GGT1: variants seen among roughly 807,000 people sequenced by gnomAD.
GGT1 encodes the protein glutathione hydrolase 1 proenzyme.
In GGT1, 21 loss-of-function variants were observed where a neutral mutation model predicts 56.0. That is an observed-to-expected ratio of 0.38 (90% CI 0.27 to 0.54). The LOEUF (loss-of-function observed/expected upper bound fraction) is 0.54, where lower values mean the gene tolerates loss of function less well. Among genes scored for constraint, GGT1 ranks in the 20% least tolerant of loss-of-function variants. GGT1 has a pLI of 0.82. For synonymous variants in GGT1, 238 were observed against 342.6 expected, an observed-to-expected ratio of 0.69 and a Z score of 3.37; for missense variants, 466 against 787.0, an observed-to-expected ratio of 0.59 and a Z score of 4.88.
At chr22:24,602,634 C>T (rs1370947505), upstream of GGT1, among the ~76,000 whole-genome samples, 1 of 152,148 alleles carries the variant, frequency 6.6e-6, no homozygotes, top group Non-Finnish European at 1.5e-5. Flanking sequence ...TTTGCTCAGA[C>T]CCCTGAAATT....
At chr22:24,605,504 A>G (rs1174035462) in intron 1 of GGT1, among the ~76,000 whole-genome samples, 1 of 75,226 alleles carries the variant, frequency 1.3e-5, no homozygotes, top group African/African-American at 7.1e-5. Context: ...ATATAATATT[A>G]TATAATGTGT....
At chr22:24,617,847 C>T (rs574371477) in intron 7 of GGT1, among the ~76,000 whole-genome samples, 147 of 151,818 alleles carry the variant, frequency 9.7e-4, no homozygotes, top group Middle Eastern at 6.8e-3. Flanking sequence ...AGCAGACCAC[C>T]AGGAGAGAGA....
intron 1 of GGT1, among the ~76,000 whole-genome samples, chr22:24,607,162 G>A (rs1030561178): frequency 6.6e-6 from 1 of 152,142 alleles, no homozygotes; most frequent in African/African-American, 2.4e-5. Flanking sequence ...GGCTGTTCGG[G>A]TGGTTCCTTG....
rs372897262 is a variant in GGT1, at chr22:24,628,007, G to T, written c.1336+28G>T. The T allele has an allele frequency of 7.9e-5, 112 of 1,420,886 alleles. No individual in the cohort carries two copies. The highest frequency in any genetic ancestry group is 1.1e-4 in the Non-Finnish European group (107 of 1,016,164). 88.0% of individuals were successfully genotyped at this position (1,420,886 alleles called of 1,614,324 possible). On this transcript the variant is annotated intron_variant, in intron 13 of 15. Transcript: ENST00000400382. The surrounding 1 kb of genome is among the most constrained non-coding windows in gnomAD (Gnocchi z 5.7). ...ATGGGGTGGAGGTCCGGGGGTGGGG[G>T]ACTGGGGTGGAGAGGGGCGGGTGTC...
intron 5 of GGT1, among the ~76,000 whole-genome samples, chr22:24,613,447 T>G (rs910840660): frequency 1.3e-5 from 2 of 152,140 alleles, no homozygotes; most frequent in Non-Finnish European, 2.9e-5. Flanking sequence ...GTACATTTGT[T>G]TGCTTGATAA....
At chr22:24,589,425 G>C in the GGT1 span, 1 of 1,000,254 alleles carries the variant, frequency 1.0e-6, no homozygotes, top group Non-Finnish European at 1.2e-6. Flanking sequence ...AGCCGAGAGC[G>C]GCTCTCTTCT....
Position 24,628,563 on chromosome 22 carries a change from G to A in GGT1, c.1564-130G>A, listed in dbSNP as rs1292412836. On this transcript the variant is annotated intron_variant, in intron 15 of 15. Coordinates refer to ENST00000400382, the MANE Select transcript of GGT1 (RefSeq NM_001288833.2). The surrounding 1 kb of genome is among the most constrained non-coding windows in gnomAD (Gnocchi z 5.7). ...CCCCTGCTCCAGTGAGACCCAGCAG[G>A]CCCCAACCTGCTCTTCCTGATGACC... is the stretch of plus-strand genomic sequence containing the variant. 1.2e-6 allele frequency: 1 copy of A among 863,578 alleles called. No individual in the cohort carries two copies. Among genetic ancestry groups the A allele is most frequent in the African/African-American group, 1.7e-5 (1 of 59,000 alleles). The allele number at this position is 863,578 out of a possible 1,614,324, so 53.5% of individuals were successfully genotyped here.
At chr22:24,615,781 G>A (rs925614632) in intron 7 of GGT1, 10 of 153,218 alleles carry the variant, frequency 6.5e-5, no homozygotes, top group African/African-American at 2.2e-4. Flanking sequence ...GCCACTGTCT[G>A]TCCTCAAAGG....
intron 9 of GGT1, 38 bp from the exon 10 acceptor site, chr22:24,623,069 C>G: frequency 6.2e-7 from 1 of 1,611,374 alleles, no homozygotes; most frequent in South Asian, 1.1e-5. Context: ...TGGTGCAGCC[C>G]CATCCCAGCA....
At chr22:24,592,341 G>A (rs1428605078), upstream of GGT1, 1 of 470,604 alleles carries the variant, frequency 2.1e-6, no homozygotes. Flanking sequence ...GGCTCTCTGT[G>A]GGCTGCCATG....
At chr22:24,610,663 G>A (rs1192656693) in intron 4 of GGT1, 132 bp downstream of exon 4, 4,853 of 206,578 alleles carry the variant, frequency 0.023, 125 homozygotes, top group African/African-American at 0.096. Context: ...CTCTAGGCTG[G>A]GGTGGGGGAC....
chr22:24,605,606 TTA>T (rs1191449025), intron 1 of GGT1, among the ~76,000 whole-genome samples: 3 of 51,240 alleles, frequency 5.9e-5, no homozygotes, highest in South Asian at 5.8e-4. Context: ...ATAATGTGTA[TTA>T]TATATATAAT....
chr22:24,605,438 C>T (rs184624754), intron 1 of GGT1, among the ~76,000 whole-genome samples: 1,750 of 30,698 alleles, frequency 0.057, 198 homozygotes, highest in Middle Eastern at 0.083. Flanking sequence ...TATTATATAA[C>T]AATATATAAT....
chr22:24,627,550 G>A lies in GGT1; in HGVS notation c.1139G>A (p.Gly380Asp), dbSNP rs547395033. ...GAGTTCTACACGCCGGATGACGGGG[G>A]CACTGCTCACCTGTCTGTCGTCGCA... ...KPEFYTPDDG[G>D]TAHLSVVAED... Residue 380 changes from glycine to aspartate, a missense_variant, in exon 12 of 16, where the codon GGC becomes GAC. This residue lies in a region of GGT1 where 456 missense variants were observed against 716.7 expected (regional missense o/e 0.64). Coordinates refer to ENST00000400382, the MANE Select transcript of GGT1 (RefSeq NM_001288833.2). 1.6e-4 allele frequency: 255 copies of A among 1,611,716 alleles called. No homozygotes were observed. The highest frequency in any genetic ancestry group is 4.5e-5 in the East Asian group (2 of 44,862).
chr22:24,612,151 GCTGGT>G (rs1476046434), intron 5 of GGT1, among the ~76,000 whole-genome samples: 1 of 151,542 alleles, frequency 6.6e-6, no homozygotes, highest in African/African-American at 2.4e-5. Context: ...TGTTGGTCAG[GCTGGT>G]CTTGAACTCC....
chr22:24,587,856 G>T, the GGT1 span, among the ~76,000 whole-genome samples: 115 of 152,096 alleles, frequency 7.6e-4, 1 homozygote, highest in Non-Finnish European at 1.2e-3. Context: ...TGCCTCCCCC[G>T]CAACCTGTTG....
chr22:24,590,066 G>T, upstream of GGT1: 2 of 1,250,538 alleles, frequency 1.6e-6, no homozygotes, highest in South Asian at 3.3e-5. Flanking sequence ...CCTCCCTAAG[G>T]CTGGCTGGAT....
At chr22:24,593,518 T>C (rs558557462), upstream of GGT1, among the ~76,000 whole-genome samples, 3 of 152,144 alleles carry the variant, frequency 2.0e-5, no homozygotes, top group Admixed American at 1.3e-4. Flanking sequence ...CCGGGCATGG[T>C]GGCTCACGCC....
upstream of GGT1, among the ~76,000 whole-genome samples, chr22:24,598,474 G>T (rs1270494733): frequency 1.3e-5 from 2 of 151,030 alleles, no homozygotes; most frequent in Admixed American, 6.6e-5. Context: ...AAAGATAAAG[G>T]CTACAAATAA....
Sources: allele counts gnomAD v4.1 joint callset (sites outside exome capture counted in the v4.1 genomes callset), GRCh38; gene constraint gnomAD v4.1.1; regional missense constraint gnomAD v4.1.1; non-coding constraint Gnocchi (gnomAD v3.1); transcripts MANE v1.5; gene names NCBI Gene and HGNC (gene_info 2026-07-23, HGNC 2026-07-21).